The following BCKDHB variants were observed in gnomAD, a reference collection of about 807,000 sequenced individuals.
BCKDHB encodes the protein 2-oxoisovalerate dehydrogenase subunit beta, mitochondrial.
Under a neutral mutation model 48.5 loss-of-function variants are expected in BCKDHB, and 41 were observed. The ratio of observed to expected loss-of-function variants is 0.85; its 90% CI spans 0.66 to 1.10. BCKDHB has a LOEUF of 1.10. Among genes scored for constraint, BCKDHB ranks in the 50% least tolerant of loss-of-function variants. The probability of loss-of-function intolerance (pLI) is 0.00; values close to 1 mark genes in which losing one functional copy is unlikely to be tolerated. For missense variants in BCKDHB, 496 were observed against 494.2 expected (o/e 1.00, Z -0.03); for synonymous variants, 201 against 174.8 (o/e 1.15, Z -1.18).
At position 80,167,828 on chromosome 6, in the gene BCKDHB, T is replaced by C. The variant is rs745934384; in HGVS notation, c.477+17T>C. On this transcript the variant is annotated intron_variant, in intron 4 of 9. Transcript: ENST00000320393. ...TTTGATCAGGTAAGTGAATGAACAT[T>C]TCTAAGGTTGTTCATTCATTGAAAT... The C allele has an allele frequency of 6.2e-7, 1 of 1,611,838 alleles. No homozygotes were observed. Among genetic ancestry groups the C allele is most frequent in the Admixed American group, 1.7e-5 (1 of 59,968 alleles).
At chr6:80,266,528 G>A (rs1192646803) in intron 8 of BCKDHB, among the ~76,000 whole-genome samples, 1 of 151,996 alleles carries the variant, frequency 6.6e-6, no homozygotes, top group Non-Finnish European at 1.5e-5. Context: ...CAGTAGGAAC[G>A]GGAAGCTTGT....
At chr6:80,453,043 A>G in the BCKDHB span, 1 of 152,340 alleles carries the variant, frequency 6.6e-6, no homozygotes, top group African/African-American at 2.4e-5. Context: ...ATGAATATAT[A>G]TCAGTATGGA....
In BCKDHB at chr6:80,293,481, G is replaced by T. The variant is rs557674295; in HGVS notation, c.1038+20260G>T. Among the ~76,000 whole-genome samples the T allele has an allele frequency of 2.0e-5, 3 of 152,292 alleles. No homozygotes were observed. The East Asian group carries it at 5.8e-4, about 29-fold the overall frequency. On this transcript the variant is annotated intron_variant, in intron 9 of 9. Coordinates refer to ENST00000320393, the MANE Select transcript of BCKDHB (RefSeq NM_183050.4). ...GCATCAAGTCCCTAGACTGCACACA[G>T]CAGGGGCTGGCCTGGCCCAGGAAAC...
At chr6:80,423,153 T>A in the BCKDHB span, among the ~76,000 whole-genome samples, 1 of 152,086 alleles carries the variant, frequency 6.6e-6, no homozygotes. Flanking sequence ...TCTCACAAGA[T>A]CTACTGGTTT....
At chr6:80,142,713 G>A (rs1771283244) in intron 3 of BCKDHB, among the ~76,000 whole-genome samples, 1 of 151,946 alleles carries the variant, frequency 6.6e-6, no homozygotes, top group Admixed American at 6.6e-5. Context: ...GTGTTTCTTT[G>A]ACCTAACTTT....
chr6:80,377,881 A>G, the BCKDHB span, among the ~76,000 whole-genome samples: 1 of 152,200 alleles, frequency 6.6e-6, no homozygotes, highest in East Asian at 1.9e-4. Flanking sequence ...AGTCAGCTGC[A>G]ATTCTGAGAG....
the BCKDHB span, among the ~76,000 whole-genome samples, chr6:80,400,552 G>A: frequency 6.6e-6 from 1 of 151,850 alleles, no homozygotes; most frequent in East Asian, 1.9e-4. Context: ...ATGGCTATTA[G>A]TAAAAAGTCA....
At position 80,343,998 on chromosome 6, in the gene BCKDHB, TTTTG is replaced by T; in HGVS notation, c.*197_*200del. On this transcript the variant is annotated 3_prime_UTR_variant, in exon 10 of 10. Coordinates refer to ENST00000320393, the MANE Select transcript of BCKDHB (RefSeq NM_183050.4). ...CAAATTTATAGTAGTATATTTACAT[TTTTG>T]TTGTTGTTGTTGTTCTGAGATGGAG... is the stretch of plus-strand genomic sequence containing the variant. 1.7e-6 allele frequency: 1 copy of T among 600,582 alleles called. No individual in the cohort carries two copies. Among genetic ancestry groups the T allele is most frequent in the South Asian group, 1.8e-5 (1 of 54,148 alleles). 37.2% of individuals were successfully genotyped at this position (600,582 alleles called of 1,614,324 possible).
At chr6:80,215,125 C>T (rs1775107854) in intron 8 of BCKDHB, among the ~76,000 whole-genome samples, 1 of 152,040 alleles carries the variant, frequency 6.6e-6, no homozygotes, top group Admixed American at 6.6e-5. Flanking sequence ...AAATGCTTTT[C>T]CTTAGGCATA....
chr6:80,404,089 T>C, the BCKDHB span, among the ~76,000 whole-genome samples: 1 of 152,004 alleles, frequency 6.6e-6, no homozygotes, highest in African/African-American at 2.4e-5. Context: ...ATGCTGGCCT[T>C]GTGTTATCAG....
chr6:80,166,702 T>C (rs1772589372), intron 3 of BCKDHB, among the ~76,000 whole-genome samples: 1 of 152,124 alleles, frequency 6.6e-6, no homozygotes, highest in Admixed American at 6.6e-5. Flanking sequence ...AATGATCTTT[T>C]TATTGATTTC....
chr6:80,371,788 C>T, the BCKDHB span, among the ~76,000 whole-genome samples: 1 of 151,840 alleles, frequency 6.6e-6, no homozygotes, highest in Non-Finnish European at 1.5e-5. Flanking sequence ...GATAAGTTAA[C>T]TGTAAGTATT....
At chr6:80,411,428 C>T in the BCKDHB span, among the ~76,000 whole-genome samples, 2 of 152,234 alleles carry the variant, frequency 1.3e-5, no homozygotes, top group Admixed American at 6.5e-5. Context: ...CAGGGACCCA[C>T]TTGAGGAGGC....
Position 80,288,865 on chromosome 6 carries a change from T to G in BCKDHB, c.1038+15644T>G, listed in dbSNP as rs145308796. Among the ~76,000 whole-genome samples, 12 of 152,260 alleles carry G rather than the reference T, an allele frequency of 7.9e-5. No homozygotes were observed. The East Asian group carries it at 2.3e-3, about 29-fold the overall frequency. ...GGGTTGATTTTCATTGCCTGGTCTTTGTTCATGTGTGGAATGGCTGAGTAA... is the reference window on the plus strand; with the variant it reads ...GGGTTGATTTTCATTGCCTGGTCTTGGTTCATGTGTGGAATGGCTGAGTAA... On this transcript the variant is annotated intron_variant, in intron 9 of 9. Coordinates refer to ENST00000320393, the MANE Select transcript of BCKDHB (RefSeq NM_183050.4).
At chr6:80,316,998 A>C (rs953700707) in intron 9 of BCKDHB, among the ~76,000 whole-genome samples, 4 of 152,192 alleles carry the variant, frequency 2.6e-5, no homozygotes, top group Non-Finnish European at 4.4e-5. Flanking sequence ...AACCTTTTAT[A>C]AATTAGGACT....
chr6:80,302,487 A>C (rs1418391551), intron 9 of BCKDHB, among the ~76,000 whole-genome samples: 1 of 152,046 alleles, frequency 6.6e-6, no homozygotes, highest in Non-Finnish European at 1.5e-5. Flanking sequence ...CCTTTTGCAA[A>C]ATGTTTAGTT....
intron 1 of BCKDHB, 42 bp downstream of exon 1, chr6:80,106,931 A>T (rs1464737881): frequency 1.1e-5 from 17 of 1,570,906 alleles, no homozygotes; most frequent in Admixed American, 1.8e-5. Flanking sequence ...TGCAGCCCGG[A>T]CTCCCAGGCT....
chr6:80,354,235 ATTTATTTT>A, the BCKDHB span, among the ~76,000 whole-genome samples: 4,184 of 151,532 alleles, frequency 0.028, 183 homozygotes, highest in African/African-American at 0.095. Context: ...TTATTTATTT[ATTTATTTT>A]TTTATACAGA....
chr6:80,168,461 AGG>A (rs1772694046), intron 4 of BCKDHB, among the ~76,000 whole-genome samples: 1 of 43,182 alleles, frequency 2.3e-5, no homozygotes, highest in East Asian at 6.5e-4. Flanking sequence ...GGAGGGAGGG[AGG>A]GAGTGATGGG....
Sources: allele counts gnomAD v4.1 joint callset (sites outside exome capture counted in the v4.1 genomes callset), GRCh38; gene constraint gnomAD v4.1.1; transcripts MANE v1.5; gene names NCBI Gene and HGNC (gene_info 2026-07-23, HGNC 2026-07-21).